IMMP2L: variants seen among roughly 807,000 people sequenced by gnomAD.
IMMP2L encodes the protein inner mitochondrial membrane peptidase subunit 2, also known as mitochondrial inner membrane protease subunit 2.
A neutral mutation model predicts 19.3 loss-of-function variants in IMMP2L; 18 were observed. That is an observed-to-expected ratio of 0.93 (90% CI 0.64 to 1.38). The LOEUF (loss-of-function observed/expected upper bound fraction) is 1.38, where lower values mean the gene tolerates loss of function less well. IMMP2L is among the 40% of genes most tolerant of loss of function. The pLI is 0.00. For missense variants in IMMP2L, 233 were observed against 218.2 expected (o/e 1.07, Z -0.43); for synonymous variants, 76 against 73.0 (o/e 1.04, Z -0.21).
intron 3 of IMMP2L, among the ~76,000 whole-genome samples, chr7:111,394,652 A>C (rs754142723): frequency 6.6e-6 from 1 of 152,162 alleles, no homozygotes; most frequent in African/African-American, 2.4e-5. Flanking sequence ...TAAATAAAGT[A>C]ATAAAGTTCT....
intron 3 of IMMP2L, among the ~76,000 whole-genome samples, chr7:111,293,448 A>G (rs935706316): frequency 2.0e-5 from 3 of 151,858 alleles, no homozygotes; most frequent in Non-Finnish European, 2.9e-5. Context: ...CTTTCCTGAC[A>G]TTTGACCTCT....
At chr7:110,989,649 A>G (rs2129559372) in intron 3 of IMMP2L, among the ~76,000 whole-genome samples, 1 of 150,668 alleles carries the variant, frequency 6.6e-6, no homozygotes, top group East Asian at 1.9e-4. Flanking sequence ...TATTGTACTT[A>G]TAATAAAATA....
intron 3 of IMMP2L, among the ~76,000 whole-genome samples, chr7:110,975,826 T>C (rs897266459): frequency 1.3e-5 from 2 of 152,158 alleles, no homozygotes; most frequent in African/African-American, 4.8e-5. Context: ...ATGTTTTCAG[T>C]ATTAATTAAA....
At chr7:110,817,114 C>T (rs1398670750) in intron 5 of IMMP2L, among the ~76,000 whole-genome samples, 12 of 151,906 alleles carry the variant, frequency 7.9e-5, no homozygotes. Context: ...CTGGCCAGGG[C>T]AATTAGGCAG....
At chr7:111,453,106 T>C (rs1410899631) in intron 3 of IMMP2L, among the ~76,000 whole-genome samples, 2 of 152,176 alleles carry the variant, frequency 1.3e-5, no homozygotes, top group African/African-American at 4.8e-5. Context: ...TTTCTAATCT[T>C]CGTGTCATTA....
chr7:110,955,509 G>A (rs1055703189), intron 4 of IMMP2L, among the ~76,000 whole-genome samples: 1 of 151,562 alleles, frequency 6.6e-6, no homozygotes, highest in Non-Finnish European at 1.5e-5. Context: ...AGCAGCATCG[G>A]TCAGACCCCA....
intron 4 of IMMP2L, among the ~76,000 whole-genome samples, chr7:110,950,677 C>T (rs1248417043): frequency 6.6e-6 from 1 of 151,384 alleles, no homozygotes; most frequent in Admixed American, 6.6e-5. Context: ...AATCAACTTA[C>T]TGACAATGAG....
At position 111,266,173 on chromosome 7, in the gene IMMP2L, A is replaced by G. The variant is rs77397309; in HGVS notation, c.239+221065T>C. Among the ~76,000 whole-genome samples, 14 of 152,326 alleles carry G rather than the reference A, an allele frequency of 9.2e-5. No individual in the cohort carries two copies. In the East Asian group the frequency reaches 2.7e-3, roughly 29 times the overall value. On this transcript the variant is annotated intron_variant, in intron 3 of 5. Coordinates refer to ENST00000405709, the MANE Select transcript of IMMP2L (RefSeq NM_032549.4). ...GTGACTGCTGTATCTCTACAAACAT[A>G]AGTAATAACTAATTCACTAAATGCA... is the stretch of plus-strand genomic sequence containing the variant.
rs536539543 is a variant in IMMP2L, at chr7:110,737,313, C to G, written c.409-73592G>C. Among the ~76,000 whole-genome samples, 14 of 152,302 alleles carry G rather than the reference C, an allele frequency of 9.2e-5. No individual in the cohort carries two copies. In the South Asian group the frequency reaches 1.2e-3, roughly 14 times the overall value. On this transcript the variant is annotated intron_variant, in intron 5 of 5. Transcript: ENST00000405709. ...GCCCTGGTCACTGGCTGCCTGGAAA[C>G]AGACTCAGTGCCATTGGTGGGGCAC...
intron 5 of IMMP2L, among the ~76,000 whole-genome samples, chr7:110,793,921 T>C (rs1345546053): frequency 6.6e-6 from 1 of 152,120 alleles, no homozygotes; most frequent in Non-Finnish European, 1.5e-5. Flanking sequence ...GTGTCCAACA[T>C]GATATGTCAT....
intron 3 of IMMP2L, among the ~76,000 whole-genome samples, chr7:111,384,082 T>C (rs947846005): frequency 6.6e-6 from 1 of 151,988 alleles, no homozygotes; most frequent in African/African-American, 2.4e-5. Context: ...AGTTTGAGGT[T>C]GTAATGAGCC....
At position 111,054,293 on chromosome 7, in the gene IMMP2L, C is replaced by T. The variant is rs146205432; in HGVS notation, c.240-90728G>A. Among the ~76,000 whole-genome samples the T allele has an allele frequency of 3.3e-5, 5 of 152,066 alleles. No homozygotes were observed. The East Asian group carries it at 5.8e-4, about 18-fold the overall frequency. On this transcript the variant is annotated intron_variant, in intron 3 of 5. Transcript: ENST00000405709. Reference sequence around the variant, plus strand: ...GACTTTTTAAATGTCCTTTTCTCTCCTCAGCTATTTTTTAAGCATAAGAGC... The same window carrying T: ...GACTTTTTAAATGTCCTTTTCTCTCTTCAGCTATTTTTTAAGCATAAGAGC...
intron 3 of IMMP2L, among the ~76,000 whole-genome samples, chr7:111,446,765 C>T (rs908061138): frequency 1.1e-4 from 17 of 152,024 alleles, no homozygotes; most frequent in East Asian, 3.9e-4. Context: ...CTCTGAGCTA[C>T]GGGAGGACAT....
In IMMP2L at chr7:111,213,859, A is replaced by T. The variant is rs1002221932; in HGVS notation, c.240-250294T>A. ...TCGGAGCTGTTCTGTTGCTCAATAA[A>T]GTTCCTCTTTGCCTTGTTCATGTGA... On this transcript the variant is annotated intron_variant, in intron 3 of 5. Transcript: ENST00000405709. This position sits in a 1 kb window ranked among gnomAD's most constrained non-coding sequence, Gnocchi z 4.8. 3.9e-5 allele frequency among the ~76,000 whole-genome samples: 6 copies of T among 152,162 alleles called. No homozygotes were observed. Among genetic ancestry groups the T allele is most frequent in the African/African-American group, 1.4e-4 (6 of 41,428 alleles).
intron 2 of IMMP2L, among the ~76,000 whole-genome samples, chr7:111,502,464 G>A (rs1371042959): frequency 6.6e-6 from 1 of 152,064 alleles, no homozygotes; most frequent in Non-Finnish European, 1.5e-5. Flanking sequence ...TCTGCCCCAA[G>A]CATACCTAAT....
intron 5 of IMMP2L, among the ~76,000 whole-genome samples, chr7:110,688,584 C>A (rs1562917373): frequency 6.6e-6 from 1 of 151,526 alleles, no homozygotes; most frequent in African/African-American, 2.4e-5. Context: ...ACCAAAGAAA[C>A]ATAAGTTAAA....
intron 4 of IMMP2L, among the ~76,000 whole-genome samples, chr7:110,887,749 T>C (rs878953468): frequency 1.3e-5 from 2 of 151,656 alleles, no homozygotes; most frequent in East Asian, 1.9e-4. Context: ...GCTTTTTTTT[T>C]TTTCTCTCTT....
intron 3 of IMMP2L, among the ~76,000 whole-genome samples, chr7:111,148,587 C>T (rs1803735257): frequency 6.6e-6 from 1 of 151,890 alleles, no homozygotes; most frequent in Admixed American, 6.6e-5. Flanking sequence ...GGCAAAAATA[C>T]TATTTAAAAA....
chr7:111,165,322 G>C (rs934002488), intron 3 of IMMP2L, among the ~76,000 whole-genome samples: 1 of 151,972 alleles, frequency 6.6e-6, no homozygotes, highest in African/African-American at 2.4e-5. Flanking sequence ...TAATTCATCT[G>C]TCAATGGATA....
Sources: allele counts gnomAD v4.1 joint callset (sites outside exome capture counted in the v4.1 genomes callset), GRCh38; gene constraint gnomAD v4.1.1; non-coding constraint Gnocchi (gnomAD v3.1); transcripts MANE v1.5; gene names NCBI Gene and HGNC (gene_info 2026-07-23, HGNC 2026-07-21).